RTN4: variants seen among roughly 807,000 people sequenced by gnomAD.
RTN4 encodes reticulon-4.
In RTN4, 32 loss-of-function variants were observed where a neutral mutation model predicts 90.4. The ratio of observed to expected loss-of-function variants is 0.35; its 90% CI spans 0.27 to 0.48. The LOEUF (loss-of-function observed/expected upper bound fraction) is 0.48. Ranked by LOEUF, RTN4 falls within the 20% of genes least tolerant of loss-of-function variation. The probability of loss-of-function intolerance (pLI) is 0.99; values close to 1 mark genes in which losing one functional copy is unlikely to be tolerated. For missense variants in RTN4, 1,706 were observed against 1,430.2 expected (o/e 1.19, Z -3.11); for synonymous variants, 629 against 552.5 (o/e 1.14, Z -1.94).
At chr2:55,137,054 T>C in the RTN4 span, among the ~76,000 whole-genome samples, 3 of 152,266 alleles carry the variant, frequency 2.0e-5, no homozygotes, top group African/African-American at 7.2e-5. Flanking sequence ...CAGGGAGAGA[T>C]GCATAAAGAC....
At chr2:55,080,941 G>A (rs1668700595) in intron 1 of RTN4, among the ~76,000 whole-genome samples, 1 of 152,008 alleles carries the variant, frequency 6.6e-6, no homozygotes, top group East Asian at 1.9e-4. Context: ...ACTTAAAAAG[G>A]AAAAAAATTC....
chr2:55,097,589 AGGCCTCGAAGAG>A (rs1273764806), intron 1 of RTN4, among the ~76,000 whole-genome samples: 6 of 152,252 alleles, frequency 3.9e-5, no homozygotes, highest in African/African-American at 1.2e-4. Context: ...CAGCTTCAGG[AGGCCTCGAAGAG>A]GCAGACTGTC....
chr2:55,081,875 A>AAAAT, intron 1 of RTN4, among the ~76,000 whole-genome samples: 1 of 151,764 alleles, frequency 6.6e-6, no homozygotes, highest in Non-Finnish European at 1.5e-5. Flanking sequence ...AAAAAAAAAA[A>AAAAT]AAAAAATGAG....
Position 54,973,715 on chromosome 2 carries a change from C to G in RTN4, c.3478-94G>C, listed in dbSNP as rs541669789. The G allele has an allele frequency of 8.0e-5, 120 of 1,492,562 alleles. No homozygotes were observed. The South Asian group carries it at 1.3e-3, about 16-fold the overall frequency. The allele number at this position is 1,492,562 out of a possible 1,614,324, so 92.5% of individuals were successfully genotyped here. A position where few individuals can be genotyped will look rare whatever the true frequency, so the allele number is the denominator to read the frequency against. ...GCTAAAGGCTTAAGAAACCATCACA[C>G]TTCTCATTTTTGTAAGACATTGAAA... On this transcript the variant is annotated intron_variant, in intron 7 of 8. Coordinates refer to ENST00000337526, the MANE Select transcript of RTN4 (RefSeq NM_020532.5).
chr2:55,036,585 G>A (rs1416335674), intron 1 of RTN4, among the ~76,000 whole-genome samples: 2 of 90,320 alleles, frequency 2.2e-5, no homozygotes, highest in African/African-American at 4.6e-5. Flanking sequence ...CCAGGCAACA[G>A]AGCAAGACTG....
chr2:55,111,543 G>A lies in RTN4; in HGVS notation c.-214+977C>T, dbSNP rs1047138747. The stretch of plus-strand genomic sequence containing the variant: ...TGTTTGTGGGAGCAGAGGGAGGATT[G>A]TTCCCCAATCCAGGCCCACGAAAGT... On this transcript the variant is annotated intron_variant, in intron 1 of 3. Transcript: ENST00000427710. Among the ~76,000 whole-genome samples the A allele has an allele frequency of 2.0e-5, 3 of 152,196 alleles. 1 individual carries two copies. The highest frequency in any genetic ancestry group is 1.3e-4 in the Admixed American group (2 of 15,276).
chr2:55,027,818 C>T (rs1322278403), intron 2 of RTN4, among the ~76,000 whole-genome samples: 1 of 152,032 alleles, frequency 6.6e-6, no homozygotes, highest in Admixed American at 6.6e-5. Context: ...TCGGTGACAG[C>T]ATAGGAAAGA....
At chr2:55,103,169 T>C (rs1391833631) in intron 1 of RTN4, among the ~76,000 whole-genome samples, 1 of 146,726 alleles carries the variant, frequency 6.8e-6, no homozygotes, top group Non-Finnish European at 1.5e-5. Flanking sequence ...AAAGAAACAA[T>C]GAGTTTTAAA....
Position 54,972,894 on chromosome 2 carries a change from C to T in RTN4, c.*262G>A, listed in dbSNP as rs1305233911. ...AAAATATACAGGTTTTTTATTCCAC[C>T]AGTGCCTCAGATAGATAGGAAAAAG... On this transcript the variant is annotated 3_prime_UTR_variant, in exon 9 of 9. Coordinates refer to ENST00000337526, the MANE Select transcript of RTN4 (RefSeq NM_020532.5). The T allele has an allele frequency of 9.4e-6, 3 of 319,932 alleles. No homozygotes were observed. The highest frequency in any genetic ancestry group is 1.7e-5 in the Non-Finnish European group (3 of 181,052). The allele number at this position is 319,932 out of a possible 1,614,324, so 19.8% of individuals were successfully genotyped here. A position where few individuals can be genotyped will look rare whatever the true frequency, so the allele number is the denominator to read the frequency against.
At chr2:55,004,123 T>A (rs1259066319) in intron 3 of RTN4, among the ~76,000 whole-genome samples, 1 of 152,192 alleles carries the variant, frequency 6.6e-6, no homozygotes, top group Non-Finnish European at 1.5e-5. Flanking sequence ...TTTAACCTTT[T>A]GACAATACCT....
intron 2 of RTN4, among the ~76,000 whole-genome samples, chr2:55,068,541 C>A (rs995545826): frequency 1.3e-5 from 2 of 151,896 alleles, no homozygotes; most frequent in African/African-American, 4.8e-5. Context: ...AAACTACTGT[C>A]AGTTTTTCTT....
At chr2:55,079,034 AGGAAGGCCT>A (rs377199682) in intron 2 of RTN4, among the ~76,000 whole-genome samples, 81 of 152,364 alleles carry the variant, frequency 5.3e-4, no homozygotes, top group Middle Eastern at 3.4e-3. Flanking sequence ...AAAAGGGGCC[AGGAAGGCCT>A]GCATTAAGCT....
At chr2:55,106,335 T>C (rs2105062184) in intron 1 of RTN4, among the ~76,000 whole-genome samples, 1 of 152,120 alleles carries the variant, frequency 6.6e-6, no homozygotes, top group South Asian at 2.1e-4. Flanking sequence ...TTTCTCATAA[T>C]ATAATCATCT....
chr2:55,089,669 C>T (rs1331041656), intron 1 of RTN4, among the ~76,000 whole-genome samples: 2 of 152,232 alleles, frequency 1.3e-5, no homozygotes, highest in Admixed American at 6.5e-5. Flanking sequence ...TGTTTCTAGT[C>T]GTCATTTCCC....
At chr2:55,028,474 G>C (rs1682072662) in intron 1 of RTN4, among the ~76,000 whole-genome samples, 1 of 152,138 alleles carries the variant, frequency 6.6e-6, no homozygotes, top group Non-Finnish European at 1.5e-5. Context: ...ACCTGTTTAT[G>C]TTAAAGAAAC....
the RTN4 span, among the ~76,000 whole-genome samples, chr2:55,137,785 A>T: frequency 6.6e-6 from 1 of 152,078 alleles, no homozygotes; most frequent in Non-Finnish European, 1.5e-5. Context: ...ATGGGCACAA[A>T]GCTCTGGGCA....
chr2:55,125,703 T>C, the RTN4 span, among the ~76,000 whole-genome samples: 1 of 151,768 alleles, frequency 6.6e-6, no homozygotes, highest in Non-Finnish European at 1.5e-5. Flanking sequence ...GAGGCGGAGG[T>C]TGCAGTGAGC....
intron 1 of RTN4, among the ~76,000 whole-genome samples, chr2:55,085,338 G>A (rs904194954): frequency 7.4e-6 from 1 of 135,200 alleles, no homozygotes; most frequent in African/African-American, 2.5e-5. Context: ...CATAGAAGGA[G>A]AGAGAGGTAG....
At chr2:55,001,275 CGTT>C (rs1377646763) in intron 3 of RTN4, among the ~76,000 whole-genome samples, 1 of 152,116 alleles carries the variant, frequency 6.6e-6, no homozygotes, top group Non-Finnish European at 1.5e-5. Flanking sequence ...CAATTAAAAT[CGTT>C]GTAAACACCG....
Sources: allele counts gnomAD v4.1 joint callset (sites outside exome capture counted in the v4.1 genomes callset), GRCh38; gene constraint gnomAD v4.1.1; transcripts MANE v1.5; gene names NCBI Gene and HGNC (gene_info 2026-07-23, HGNC 2026-07-21).